SPATA31E1: variants seen among roughly 807,000 people sequenced by gnomAD.
The protein encoded by SPATA31E1 is spermatogenesis-associated protein 31E1.
A neutral mutation model predicts 12.9 loss-of-function variants in SPATA31E1; 7 were observed. The observed-to-expected ratio is 0.54, with a 90% CI of 0.31 to 1.02. The LOEUF is 1.02. Among genes scored for constraint, SPATA31E1 ranks in the 50% least tolerant of loss-of-function variants. SPATA31E1 has a pLI of 0.05. For synonymous variants in SPATA31E1, 771 were observed against 719.0 expected (o/e 1.07, Z -1.16); for missense variants, 1,961 against 1,799.8 (o/e 1.09, Z -1.62).
At position 87,886,335 on chromosome 9, in the gene SPATA31E1, C is replaced by T. The variant is rs748592587; in HGVS notation, c.1848C>T (p.Pro616=). Residue 616 remains proline (P), a synonymous_variant, in exon 4 of 4, where the codon CCC becomes CCT. Coordinates refer to ENST00000325643, the MANE Select transcript of SPATA31E1 (RefSeq NM_178828.5). The part of the protein sequence containing the change: ...SWSPKSAPIL[P]GVVTSPELPE... The stretch of plus-strand genomic sequence containing the variant: ...GCCCCAAGTCAGCCCCCATCCTTCC[C>T]GGGGTTGTCACCAGCCCTGAGCTCC... 16 of 1,613,512 alleles carry T rather than the reference C, an allele frequency of 9.9e-6. No homozygotes were observed. In the Admixed American group the frequency reaches 1.2e-4, roughly 12 times the overall value.
Position 87,887,415 on chromosome 9 carries a change from C to T in SPATA31E1, c.2928C>T (p.Val976=). 1 of 1,613,800 alleles carries T rather than the reference C, an allele frequency of 6.2e-7. No individual in the cohort carries two copies. Among genetic ancestry groups the T allele is most frequent in the African/African-American group, 1.3e-5 (1 of 75,052 alleles). The change falls in exon 4 of 4, where the codon GTC becomes GTT. Residue 976 remains valine, a synonymous_variant. Coordinates refer to ENST00000325643, the MANE Select transcript of SPATA31E1 (RefSeq NM_178828.5). The part of the protein sequence containing the change: ...LVGRTWQSRT[V]LESGKPKPRL... ...GCAGAACCTGGCAGAGCAGGACTGT[C>T]CTGGAATCCGGGAAACCCAAACCCA... is the stretch of plus-strand genomic sequence containing the variant.
rs769821172 is a variant in SPATA31E1, at chr9:87,886,087, C to G, written c.1600C>G (p.Leu534Val). 6.2e-7 allele frequency: 1 copy of G among 1,608,338 alleles called. No homozygotes were observed. The highest frequency in any genetic ancestry group is 2.2e-5 in the East Asian group (1 of 44,780). Reference sequence around the variant, plus strand: ...CCACCTCTCACCCCCTGTCCCAAGCCTGGGGTGCTCTTCTCCACCCCAGAT... The same window carrying G: ...CCACCTCTCACCCCCTGTCCCAAGCGTGGGGTGCTCTTCTCCACCCCAGAT... ...QAHLSPPVPSLGCSSPPQIRG... is the reference protein window; with the variant it reads ...QAHLSPPVPSVGCSSPPQIRG... The change falls in exon 4 of 4, where the codon CTG becomes GTG. Residue 534 changes from leucine (L) to valine (V), a missense_variant. Transcript: ENST00000325643.
rs1828335746 is a variant in SPATA31E1 at position 87,888,733 on chromosome 9, C to T, written c.4246C>T (p.His1416Tyr). The T allele has an allele frequency of 6.2e-7, 1 of 1,613,830 alleles. No individual in the cohort carries two copies. Among genetic ancestry groups the T allele is most frequent in the Non-Finnish European group, 8.5e-7 (1 of 1,180,004 alleles). The change falls in exon 4 of 4, where the codon CAC becomes TAC. Residue 1416 changes from histidine to tyrosine, a missense_variant. Coordinates refer to ENST00000325643, the MANE Select transcript of SPATA31E1 (RefSeq NM_178828.5). ...GGAGCCTGTGTCCCCAGCTGGTCCC[C>T]ACCACCACAGGCCAAGAATGGCAAG... ...PREPVSPAGP[H>Y]HHRPRMASTS...
Position 87,883,188 on chromosome 9 carries a change from G to A in SPATA31E1, c.297G>A (p.Arg99=), listed in dbSNP as rs767037554. 6.3e-7 allele frequency: 1 copy of A among 1,578,040 alleles called. No homozygotes were observed. The highest frequency in any genetic ancestry group is 1.3e-5 in the African/African-American group (1 of 74,322). Residue 99 remains arginine, a synonymous_variant, in exon 1 of 4, where the codon AGG becomes AGA. Transcript: ENST00000325643. ...DPPSPPPGRK[R]SSREPQRERS... is the part of the protein sequence containing the mutation. ...CCTCACCCCCGCCCGGGAGGAAGAG[G>A]AGCAGCAGGGAGGTAAGGAGTCCTC...
Position 87,885,895 on chromosome 9 carries a change from C to T in SPATA31E1, c.1408C>T (p.Pro470Ser). 3 of 1,614,060 alleles carry T rather than the reference C, an allele frequency of 1.9e-6. No individual in the cohort carries two copies. Among genetic ancestry groups the T allele is most frequent in the Non-Finnish European group, 2.5e-6 (3 of 1,180,036 alleles). ...NPSSQNAHSV[P>S]LDKASTSLPG... ...TTCCTCACAGAATGCACACTCTGTA[C>T]CACTGGATAAAGCCTCCACTTCTCT... The change falls in exon 4 of 4, where the codon CCA becomes TCA. Residue 470 changes from proline to serine, a missense_variant. Physicochemically the swap from Pro to Ser is moderately conservative, Grantham distance 74. Transcript: ENST00000325643.
Position 87,886,464 on chromosome 9 carries a change from A to T in SPATA31E1, c.1977A>T (p.Glu659Asp). ...GGGACCTGCTACAGCCTGATGGGGA[A>T]TTCCCAGGGAGGCCCCAGAGTCAGG... is the stretch of plus-strand genomic sequence containing the variant. Reference protein sequence around the residue: ...ASGDLLQPDGEFPGRPQSQAE... With the variant: ...ASGDLLQPDGDFPGRPQSQAE... The change falls in exon 4 of 4, where the codon GAA (glutamate) becomes GAT (aspartate). Residue 659 changes from glutamate (E) to aspartate (D), a missense_variant. By Grantham distance (45) the Glu-to-Asp change is conservative (BLOSUM62 2). Coordinates refer to ENST00000325643, the MANE Select transcript of SPATA31E1 (RefSeq NM_178828.5). 1.9e-6 allele frequency: 3 copies of T among 1,613,936 alleles called. No homozygotes were observed. Among genetic ancestry groups the T allele is most frequent in the Non-Finnish European group, 1.7e-6 (2 of 1,179,968 alleles).
In SPATA31E1 at chr9:87,885,262, C is replaced by T. The variant is rs373382923; in HGVS notation, c.775C>T (p.Pro259Ser). The T allele has an allele frequency of 6.2e-7, 1 of 1,614,156 alleles. No individual in the cohort carries two copies. The highest frequency in any genetic ancestry group is 1.1e-5 in the South Asian group (1 of 91,074). The part of the protein sequence containing the change: ...HGPLASSPPP[P>S]DSSLAGLQCG... ...TCCCCTGGCCTCCTCTCCACCTCCA[C>T]CCGACTCCAGCCTGGCTGGACTTCA... Residue 259 changes from proline to serine, a missense_variant, in exon 4 of 4, where the codon CCC becomes TCC. Physicochemically the swap from Pro to Ser is moderately conservative, Grantham distance 74. Transcript: ENST00000325643.
rs779450573 is a variant in SPATA31E1 at position 87,885,689 on chromosome 9, C to T, written c.1202C>T (p.Thr401Met). ...MTSLGKEWDITTLNPFWNVST... is the reference protein window; with the variant it reads ...MTSLGKEWDIMTLNPFWNVST... ...TCACTGGGGAAGGAGTGGGACATCA[C>T]GACCCTAAATCCCTTCTGGAACGTG... Residue 401 changes from threonine (T) to methionine (M), a missense_variant, in exon 4 of 4, where the codon ACG (threonine) becomes ATG (methionine). Thr to Met is a moderately conservative substitution (Grantham distance 81). Coordinates refer to ENST00000325643, the MANE Select transcript of SPATA31E1 (RefSeq NM_178828.5). 1.9e-5 allele frequency: 31 copies of T among 1,613,600 alleles called. No individual in the cohort carries two copies. In the South Asian group the frequency reaches 2.1e-4, roughly 11 times the overall value.
At position 87,882,961 on chromosome 9, in the gene SPATA31E1, C is replaced by A. The variant is rs1298642662; in HGVS notation, c.70C>A (p.Pro24Thr). 5 of 1,583,966 alleles carry A rather than the reference C, an allele frequency of 3.2e-6. No individual in the cohort carries two copies. In the South Asian group the frequency reaches 3.4e-5, roughly 11 times the overall value. The change falls in exon 1 of 4, where the codon CCC (proline) becomes ACC (threonine). Residue 24 changes from proline (P) to threonine (T), a missense_variant. Physicochemically the swap from Pro to Thr is conservative, Grantham distance 38 (BLOSUM62 -1). Coordinates refer to ENST00000325643, the MANE Select transcript of SPATA31E1 (RefSeq NM_178828.5). ...GGTTGAGAGTGGGCAGAGGATTCCA[C>A]CCCCAGCTCCCAGACCATCTGTGGA... The part of the protein sequence containing the change: ...GRVESGQRIP[P>T]PAPRPSVECT...
rs1251353610 is a variant in SPATA31E1, at chr9:87,885,307, C to T, written c.820C>T (p.Pro274Ser). 2.5e-6 allele frequency: 4 copies of T among 1,613,908 alleles called. No homozygotes were observed. The highest frequency in any genetic ancestry group is 1.1e-5 in the South Asian group (1 of 91,064). ...ACTTCAGTGTGGCTCCACAACATGC[C>T]CCGTCCCCCAGAGCTCCCCTCTACA... Reference protein sequence around the residue: ...AGLQCGSTTCPVPQSSPLHNQ... With the variant: ...AGLQCGSTTCSVPQSSPLHNQ... The change falls in exon 4 of 4, where the codon CCC (proline) becomes TCC (serine). Residue 274 changes from proline (P) to serine (S), a missense_variant. Transcript: ENST00000325643.
chr9:87,887,555 G>C lies in SPATA31E1; in HGVS notation c.3068G>C (p.Gly1023Ala), dbSNP rs146606700. 7.4e-6 allele frequency: 12 copies of C among 1,613,988 alleles called. No homozygotes were observed. Among genetic ancestry groups the C allele is most frequent in the Non-Finnish European group, 1.0e-5 (12 of 1,180,040 alleles). The change falls in exon 4 of 4, where the codon GGG becomes GCG. Residue 1023 changes from glycine (G) to alanine (A), a missense_variant. Coordinates refer to ENST00000325643, the MANE Select transcript of SPATA31E1 (RefSeq NM_178828.5). ...AGAGCCCTGCAAGTGCTCAGCATAG[G>C]GTCCCAGTGGGCAAGGGCTGAAGAT... Reference protein sequence around the residue: ...SSRALQVLSIGSQWARAEDAL... With the variant: ...SSRALQVLSIASQWARAEDAL...
At chr9:87,883,334 C>A in intron 1 of SPATA31E1, 134 bp downstream of exon 1, 1 of 1,344,932 alleles carries the variant, frequency 7.4e-7, no homozygotes, top group Non-Finnish European at 1.0e-6. Context: ...AAGGGCAAGG[C>A]AGGCAGGGGT....
chr9:87,887,843 T>A lies in SPATA31E1; in HGVS notation c.3356T>A (p.Ile1119Asn). 6.2e-7 allele frequency: 1 copy of A among 1,613,844 alleles called. No individual in the cohort carries two copies. The highest frequency in any genetic ancestry group is 8.5e-7 in the Non-Finnish European group (1 of 1,180,012). The change falls in exon 4 of 4, where the codon ATC (isoleucine) becomes AAC (asparagine). Residue 1119 changes from isoleucine (I) to asparagine (N), a missense_variant. Transcript: ENST00000325643. ...EEQLPGRAPG[I>N]LLQDGATGLC... ...CAGCTGCCAGGCCGTGCCCCGGGCA[T>A]CCTCCTCCAGGACGGCGCCACAGGC...
At chr9:87,884,679 T>TCCTTCTGTC (rs1476342448) in intron 3 of SPATA31E1, 28 bp downstream of exon 3, 2 of 1,613,302 alleles carry the variant, frequency 1.2e-6, no homozygotes, top group African/African-American at 2.7e-5. Flanking sequence ...TCTGTCCCTG[T>TCCTTCTGTC]CCTCCTTCCT....
Position 87,887,644 on chromosome 9 carries a change from G to A in SPATA31E1, c.3157G>A (p.Val1053Met). 2 of 1,614,160 alleles carry A rather than the reference G, an allele frequency of 1.2e-6. No individual in the cohort carries two copies. Among genetic ancestry groups the A allele is most frequent in the African/African-American group, 1.3e-5 (1 of 75,074 alleles). Residue 1053 changes from valine to methionine, a missense_variant, in exon 4 of 4, where the codon GTG becomes ATG. By Grantham distance (21) the Val-to-Met change is conservative. Coordinates refer to ENST00000325643, the MANE Select transcript of SPATA31E1 (RefSeq NM_178828.5). ...TTGGGAAGTCACCTTGGGAGCCAGT[G>A]TGAGGGCAAGTTCGGGAAGTGTTCA... ...PTWEVTLGAS[V>M]RASSGSVQED...
chr9:87,884,559 T>C, intron 2 of SPATA31E1, 32 bp from the exon 3 acceptor site: 1 of 1,613,778 alleles, frequency 6.2e-7, no homozygotes, highest in Non-Finnish European at 8.5e-7. Flanking sequence ...GGCACCGCCC[T>C]CTCCACCATA....
rs1587571285 is a variant in SPATA31E1 at position 87,887,806 on chromosome 9, G to T, written c.3319G>T (p.Asp1107Tyr). The T allele has an allele frequency of 6.2e-7, 1 of 1,613,820 alleles. No homozygotes were observed. Among genetic ancestry groups the T allele is most frequent in the Admixed American group, 1.7e-5 (1 of 60,010 alleles). Residue 1107 changes from aspartate (D) to tyrosine (Y), a missense_variant, in exon 4 of 4, where the codon GAC becomes TAC. Physicochemically the swap from Asp to Tyr is radical, Grantham distance 160. Coordinates refer to ENST00000325643, the MANE Select transcript of SPATA31E1 (RefSeq NM_178828.5). ...TGAGATTGCGCTCATAGTGCAGGTG[G>T]ACTCAGAGGAGCAGCTGCCAGGCCG... ...VSEIALIVQV[D>Y]SEEQLPGRAP...
rs1828256464 is a variant in SPATA31E1 at position 87,885,672 on chromosome 9, G to A, written c.1185G>A (p.Gly395=). Residue 395 remains glycine, a synonymous_variant, in exon 4 of 4, where the codon GGG becomes GGA. Transcript: ENST00000325643. ...ACCACCCGCACATGACATCACTGGG[G>A]AAGGAGTGGGACATCACGACCCTAA... The part of the protein sequence containing the change: ...RADHPHMTSL[G]KEWDITTLNP... The A allele has an allele frequency of 1.2e-6, 2 of 1,613,832 alleles. No individual in the cohort carries two copies. The highest frequency in any genetic ancestry group is 1.1e-5 in the South Asian group (1 of 91,076).
At position 87,885,654 on chromosome 9, in the gene SPATA31E1, G is replaced by C; in HGVS notation, c.1167G>C (p.Pro389=). The C allele has an allele frequency of 6.2e-7, 1 of 1,613,808 alleles. No individual in the cohort carries two copies. The highest frequency in any genetic ancestry group is 8.5e-7 in the Non-Finnish European group (1 of 1,180,018). ...QEKERKRADH[P]HMTSLGKEWD... The stretch of plus-strand genomic sequence containing the variant: ...AAGAAAGAAAACGGGCCGACCACCC[G>C]CACATGACATCACTGGGGAAGGAGT... The change falls in exon 4 of 4, where the codon CCG becomes CCC. Residue 389 remains proline (P), a synonymous_variant. Transcript: ENST00000325643.
Sources: gnomAD v4.1 joint callset for allele counts on GRCh38, gnomAD v4.1.1 for gene constraint, MANE v1.5 for transcripts, NCBI Gene and HGNC (gene_info 2026-07-23, HGNC 2026-07-21) for gene names.